The following MYT1 variants were observed in gnomAD, a reference collection of about 807,000 sequenced individuals.
The protein encoded by MYT1 is myelin transcription factor I.
In MYT1, 23 loss-of-function variants were observed where a neutral mutation model predicts 123.0. The observed-to-expected ratio is 0.19, with a 90% confidence interval of 0.13 to 0.26. The LOEUF (loss-of-function observed/expected upper bound fraction) is 0.26, where lower values mean the gene tolerates loss of function less well. Among genes scored for constraint, MYT1 ranks in the 10% least tolerant of loss-of-function variants. The probability of loss-of-function intolerance (pLI) is 1.00; values close to 1 mark genes in which losing one functional copy is unlikely to be tolerated. For missense variants in MYT1, 1,125 were observed against 1,472.5 expected, an observed-to-expected ratio of 0.76 and a Z score of 3.86; for synonymous variants, 518 against 575.3, an observed-to-expected ratio of 0.90 and a Z score of 1.43.
In MYT1 at chr20:64,199,894, C is replaced by T. The variant is rs1394820104; in HGVS notation, c.58C>T (p.Pro20Ser). The T allele has an allele frequency of 6.2e-7, 1 of 1,614,024 alleles. No homozygotes were observed. Among genetic ancestry groups the T allele is most frequent in the Non-Finnish European group, 8.5e-7 (1 of 1,179,896 alleles). Residue 20 changes from proline (P) to serine (S), a missense_variant and splice_region_variant, in exon 4 of 23, where the codon CCC becomes TCC. Coordinates refer to ENST00000328439, the MANE Select transcript of MYT1 (RefSeq NM_004535.3). ...CCCTGTTTCTGTCTTTTTCCCAGGACCCCCAGAGACCACAGCTGCAGACCT... is the reference window on the plus strand; with the variant it reads ...CCCTGTTTCTGTCTTTTTCCCAGGATCCCCAGAGACCACAGCTGCAGACCT... ...ARTRSKALRGPPETTAADLSC... is the reference protein window; with the variant it reads ...ARTRSKALRGSPETTAADLSC...
chr20:64,192,450 C>T lies in MYT1; in HGVS notation c.-1+2290C>T, dbSNP rs924353425. ...GAATGTCACACAGCCACAGCAGCATCGGGGTCAGCCTTCCAGAGGCTGGCT... is the reference window on the plus strand; with the variant it reads ...GAATGTCACACAGCCACAGCAGCATTGGGGTCAGCCTTCCAGAGGCTGGCT... On this transcript the variant is annotated intron_variant, in intron 2 of 22. Transcript: ENST00000328439. The surrounding 1 kb of genome is among the most constrained non-coding windows in gnomAD (Gnocchi z 5.3). 6.6e-6 allele frequency among the ~76,000 whole-genome samples: 1 copy of T among 152,186 alleles called. No individual in the cohort carries two copies.
At chr20:64,225,516 A>G (rs1984146223) in intron 16 of MYT1, among the ~76,000 whole-genome samples, 1 of 152,178 alleles carries the variant, frequency 6.6e-6, no homozygotes, top group Admixed American at 6.5e-5. Flanking sequence ...GCAACCACAC[A>G]CACCTGCCAG....
intron 13 of MYT1, among the ~76,000 whole-genome samples, chr20:64,221,289 C>T (rs1265609249): frequency 6.6e-6 from 1 of 152,136 alleles, no homozygotes; most frequent in Admixed American, 6.5e-5. Flanking sequence ...GGACCCCTGG[C>T]CCCTCCGTGG....
At position 64,240,493 on chromosome 20, in the gene MYT1, C is replaced by T. The variant is rs775467460; in HGVS notation, c.*45C>T. ...TGTCCCAGCCCACCACACCGTTTAC[C>T]TCCCTCGCCCTGCCCCGCACCGTGG... On this transcript the variant is annotated 3_prime_UTR_variant, in exon 23 of 23. Transcript: ENST00000328439. 2 of 1,588,766 alleles carry T rather than the reference C, an allele frequency of 1.3e-6. No individual in the cohort carries two copies. The highest frequency in any genetic ancestry group is 1.1e-5 in the South Asian group (1 of 87,260).
chr20:64,233,490 C>T (rs1984409593), intron 19 of MYT1, among the ~76,000 whole-genome samples: 1 of 70,430 alleles, frequency 1.4e-5, no homozygotes, highest in Non-Finnish European at 2.7e-5. Flanking sequence ...TTTTTCTTCC[C>T]CTCCCCTCCC....
intron 16 of MYT1, among the ~76,000 whole-genome samples, chr20:64,225,409 C>T (rs1050532743): frequency 9.8e-5 from 15 of 152,312 alleles, no homozygotes; most frequent in Non-Finnish European, 1.5e-4. Flanking sequence ...ATCCCAAGGG[C>T]GTTCACTCTT....
chr20:64,199,239 C>G (rs571765378), intron 3 of MYT1, among the ~76,000 whole-genome samples: 1 of 152,364 alleles, frequency 6.6e-6, no homozygotes, highest in South Asian at 2.1e-4. Context: ...CGCCAGCCCC[C>G]TTCCTTCCCA....
chr20:64,221,242 C>T (rs1350275029), intron 13 of MYT1, among the ~76,000 whole-genome samples: 1 of 152,162 alleles, frequency 6.6e-6, no homozygotes, highest in Non-Finnish European at 1.5e-5. Context: ...GCTCTGGTTA[C>T]AGCATCCTGC....
Position 64,193,392 on chromosome 20 carries a change from C to T in MYT1, c.-1+3232C>T, listed in dbSNP as rs79315859. Among the ~76,000 whole-genome samples the T allele has an allele frequency of 3.8e-3, 584 of 152,212 alleles. 2 individuals carry two copies. Among genetic ancestry groups the T allele is most frequent in the Non-Finnish European group, 6.3e-3 (426 of 68,010 alleles). On this transcript the variant is annotated intron_variant, in intron 2 of 22. Coordinates refer to ENST00000328439, the MANE Select transcript of MYT1 (RefSeq NM_004535.3). The surrounding 1 kb of genome is among the most constrained non-coding windows in gnomAD (Gnocchi z 4.0). ...CAGCAGAAGATCCTCCTGGGATACTCGGGAGGGGAGCAACACAAATGCTTG... is the reference window on the plus strand; with the variant it reads ...CAGCAGAAGATCCTCCTGGGATACTTGGGAGGGGAGCAACACAAATGCTTG...
rs759999952 is a variant in MYT1 at position 64,208,036 on chromosome 20, AGAGGAGGAGGAAGAGGAAGAG to A, written c.870_890del (p.Glu300_Glu306del). 107 of 1,580,548 alleles carry A rather than the reference AGAGGAGGAGGAAGAGGAAGAG, an allele frequency of 6.8e-5. No individual in the cohort carries two copies. The highest frequency in any genetic ancestry group is 5.6e-4 in the East Asian group (25 of 44,394). ...AGGAGGATGAAGAAGAGGAAGAGGA[AGAGGAGGAGGAAGAGGAAGAG>A]GAGGAGGAGGAAGAGGAAGAGGAGG... On this transcript the variant is annotated inframe_deletion, in exon 7 of 23. Coordinates refer to ENST00000328439, the MANE Select transcript of MYT1 (RefSeq NM_004535.3). The surrounding 1 kb of genome is among the most constrained non-coding windows in gnomAD (Gnocchi z 5.4).
chr20:64,222,508 C>T (rs925954131), intron 14 of MYT1, among the ~76,000 whole-genome samples: 18 of 152,226 alleles, frequency 1.2e-4, no homozygotes, highest in Admixed American at 6.5e-4. Flanking sequence ...CCAGAGGCTG[C>T]GTGTCTGAGC....
In MYT1 at chr20:64,212,178, GGGGCCGTGGTGGGGGCC is replaced by G; in HGVS notation, c.1517+41_1517+57del. On this transcript the variant is annotated intron_variant, in intron 9 of 22. Transcript: ENST00000328439. This position sits in a 1 kb window ranked among gnomAD's most constrained non-coding sequence, Gnocchi z 6.8. ...CTGGGCCGTAGTGGGGGCCAGGGTGGGGGCCGTGGTGGGGGCCAGGGTGGGGGCCGTGGTGGGGGCCA... is the reference window on the plus strand; with the variant it reads ...CTGGGCCGTAGTGGGGGCCAGGGTGGAGGGTGGGGGCCGTGGTGGGGGCCA... 9.2e-7 allele frequency: 1 copy of G among 1,089,424 alleles called. No homozygotes were observed. Among genetic ancestry groups the G allele is most frequent in the Non-Finnish European group, 1.3e-6 (1 of 795,518 alleles). 67.5% of individuals were successfully genotyped at this position (1,089,424 alleles called of 1,614,324 possible). A position where few individuals can be genotyped will look rare whatever the true frequency, so the allele number is the denominator to read the frequency against.
chr20:64,183,968 G>A (rs1044691355), intron 1 of MYT1, among the ~76,000 whole-genome samples: 3 of 151,956 alleles, frequency 2.0e-5, no homozygotes, highest in African/African-American at 4.8e-5. Flanking sequence ...TTACAGACAC[G>A]CACCGCCATA....
chr20:64,231,990 C>G lies in MYT1; in HGVS notation c.2676-174C>G, dbSNP rs74487300. Among the ~76,000 whole-genome samples the G allele has an allele frequency of 0.011, 1,688 of 152,276 alleles. 25 individuals are homozygous for G. The highest frequency in any genetic ancestry group is 0.039 in the African/African-American group (1,607 of 41,550). On this transcript the variant is annotated intron_variant, in intron 18 of 22. Coordinates refer to ENST00000328439, the MANE Select transcript of MYT1 (RefSeq NM_004535.3). The surrounding 1 kb of genome is among the most constrained non-coding windows in gnomAD (Gnocchi z 6.4). ...GTGGCCCGGGTCTTCACACTCAGCC[C>G]GGAAGGGCCAGTTCTTCCCTGAGGC...
rs367614480 is a variant in MYT1, at chr20:64,239,915, G to C, written c.3237+12G>C. On this transcript the variant is annotated intron_variant, in intron 22 of 22. Coordinates refer to ENST00000328439, the MANE Select transcript of MYT1 (RefSeq NM_004535.3). Reference sequence around the variant, plus strand: ...GCCTTCCGCACATGGTAGGCAGCACGCGGGCCTGCCGGCACCACAGCTACC... The same window carrying C: ...GCCTTCCGCACATGGTAGGCAGCACCCGGGCCTGCCGGCACCACAGCTACC... 1.2e-6 allele frequency: 2 copies of C among 1,610,488 alleles called. No homozygotes were observed. Among genetic ancestry groups the C allele is most frequent in the East Asian group, 4.5e-5 (2 of 44,886 alleles).
chr20:64,196,342 C>A lies in MYT1; in HGVS notation c.1-2520C>A, dbSNP rs375790579. Among the ~76,000 whole-genome samples the A allele has an allele frequency of 6.6e-6, 1 of 152,214 alleles. No individual in the cohort carries two copies. The highest frequency in any genetic ancestry group is 2.4e-5 in the African/African-American group (1 of 41,450). ...TGGGCACAGGGCCGCCCCCAGCACC[C>A]GCTCTCCATCTACCACATCGTGGTG... On this transcript the variant is annotated intron_variant, in intron 2 of 22. Transcript: ENST00000328439. This position sits in a 1 kb window ranked among gnomAD's most constrained non-coding sequence, Gnocchi z 4.3.
At chr20:64,171,253 G>T (rs1452621067) in intron 1 of MYT1, among the ~76,000 whole-genome samples, 1 of 152,142 alleles carries the variant, frequency 6.6e-6, no homozygotes, top group Non-Finnish European at 1.5e-5. Context: ...ATGACGTGCT[G>T]CAAGCTTGCT....
At chr20:64,172,362 A>C (rs1381446536) in intron 1 of MYT1, among the ~76,000 whole-genome samples, 1 of 152,190 alleles carries the variant, frequency 6.6e-6, no homozygotes, top group African/African-American at 2.4e-5. Context: ...CTGTTGTGAA[A>C]GCCAAAATCC....
intron 19 of MYT1, among the ~76,000 whole-genome samples, 170 bp from the exon 20 acceptor site, chr20:64,236,385 C>G (rs867439056): frequency 8.5e-3 from 803 of 94,990 alleles, no homozygotes; most frequent in Middle Eastern, 0.014. Context: ...CTGGGATGGC[C>G]GTGGTGGGTG....
Sources: gnomAD v4.1 joint callset for allele counts (sites outside exome capture counted in the v4.1 genomes callset) on GRCh38, gnomAD v4.1.1 for gene constraint, Gnocchi (gnomAD v3.1) non-coding constraint, MANE v1.5 for transcripts, NCBI Gene and HGNC (gene_info 2026-07-23, HGNC 2026-07-21) for gene names.